The following SLC25A48 variants were observed in gnomAD, a reference collection of about 807,000 sequenced individuals.
SLC25A48 encodes the protein solute carrier family 25 member 48.
A neutral mutation model predicts 32.2 loss-of-function variants in SLC25A48; 29 were observed. That is an observed-to-expected ratio of 0.90 (90% CI 0.67 to 1.23). The LOEUF (loss-of-function observed/expected upper bound fraction) is 1.23. SLC25A48 is among the 50% of genes most tolerant of loss of function. SLC25A48 has a pLI of 0.00. For synonymous variants in SLC25A48, 164 were observed against 172.3 expected (o/e 0.95, Z 0.38); for missense variants, 399 against 422.7 (o/e 0.94, Z 0.49).
At chr5:135,673,931 C>T (rs1176775299) in intron 3 of SLC25A48, among the ~76,000 whole-genome samples, 1 of 151,202 alleles carries the variant, frequency 6.6e-6, no homozygotes, top group Non-Finnish European at 1.5e-5. Context: ...TTTTTCCCCC[C>T]CATGGTATTT....
At chr5:135,722,317 T>C (rs76895297) in intron 3 of SLC25A48, among the ~76,000 whole-genome samples, 1,614 of 152,308 alleles carry the variant, frequency 0.011, 24 homozygotes, top group African/African-American at 0.035. Context: ...TCGGAGGTTC[T>C]ATACTACCTG....
At chr5:135,870,868 T>C (rs181319174) in intron 4 of SLC25A48, among the ~76,000 whole-genome samples, 13 of 151,808 alleles carry the variant, frequency 8.6e-5, no homozygotes, top group Admixed American at 7.9e-4. Flanking sequence ...TATTTCCAAA[T>C]AATTTTAATA....
At chr5:135,775,605 C>T (rs555709848) in intron 3 of SLC25A48, among the ~76,000 whole-genome samples, 11 of 151,306 alleles carry the variant, frequency 7.3e-5, no homozygotes, top group Non-Finnish European at 8.9e-5. Flanking sequence ...ATCTTAATAA[C>T]GCAGGAGGTG....
intron 1 of SLC25A48, among the ~76,000 whole-genome samples, chr5:135,611,823 C>T (rs1752079583): frequency 1.3e-5 from 2 of 152,198 alleles, no homozygotes; most frequent in South Asian, 2.1e-4. Flanking sequence ...TAAGAATGTT[C>T]CCCCTTATTC....
intron 3 of SLC25A48, among the ~76,000 whole-genome samples, chr5:135,735,682 C>T (rs1484704224): frequency 6.6e-6 from 1 of 152,046 alleles, no homozygotes; most frequent in Non-Finnish European, 1.5e-5. Context: ...TTCATGGAGC[C>T]AGCGGTTGTC....
At chr5:135,698,983 C>T (rs1227577963) in intron 3 of SLC25A48, among the ~76,000 whole-genome samples, 1 of 152,082 alleles carries the variant, frequency 6.6e-6, no homozygotes, top group Non-Finnish European at 1.5e-5. Flanking sequence ...TCAAACCCAT[C>T]CTAAAATATT....
At chr5:135,700,390 A>G (rs1440458689) in intron 3 of SLC25A48, among the ~76,000 whole-genome samples, 33 of 151,118 alleles carry the variant, frequency 2.2e-4, no homozygotes, top group Non-Finnish European at 3.5e-4. Context: ...AAAAAAAAAA[A>G]AAAGAAAGAA....
chr5:135,762,893 AGTGT>A (rs1756097779), intron 3 of SLC25A48, among the ~76,000 whole-genome samples: 1 of 151,814 alleles, frequency 6.6e-6, no homozygotes, highest in Non-Finnish European at 1.5e-5. Context: ...AGCAAATGTG[AGTGT>A]GTGAATGTGT....
intron 3 of SLC25A48, among the ~76,000 whole-genome samples, chr5:135,755,307 G>A (rs1755869480): frequency 1.3e-5 from 2 of 152,066 alleles, no homozygotes; most frequent in Admixed American, 6.6e-5. Flanking sequence ...AAATATCGCT[G>A]TAATAGTTAT....
At chr5:135,778,258 A>G (rs12519714) in intron 3 of SLC25A48, among the ~76,000 whole-genome samples, 61,090 of 151,404 alleles carry the variant, frequency 0.4, 14,206 homozygotes, top group Non-Finnish European at 0.52. Context: ...GAGAAAAAGG[A>G]TGATATTGCT....
At chr5:135,664,142 C>A (rs1310379105) in intron 3 of SLC25A48, among the ~76,000 whole-genome samples, 1 of 152,214 alleles carries the variant, frequency 6.6e-6, no homozygotes, top group Non-Finnish European at 1.5e-5. Flanking sequence ...GAACCATGGA[C>A]ATGTGATTTT....
Position 135,888,113 on chromosome 5 carries a change from T to G in SLC25A48, c.*89T>G. ...CCTGAGAGCTGCAGATGTTTGGCCT[T>G]TGGACCTCCAAGTGGACATCAATTA... On this transcript the variant is annotated 3_prime_UTR_variant, in exon 8 of 8. Transcript: ENST00000681962. 1 of 1,550,174 alleles carries G rather than the reference T, an allele frequency of 6.5e-7. No homozygotes were observed.
chr5:135,884,373 A>C (rs73287289), intron 7 of SLC25A48, among the ~76,000 whole-genome samples: 16,232 of 152,034 alleles, frequency 0.11, 949 homozygotes, highest in African/African-American at 0.12. Flanking sequence ...CCTCCTCAAT[A>C]TTTCTCCTTC....
At chr5:135,846,420 C>T (rs557410969) in intron 2 of SLC25A48, among the ~76,000 whole-genome samples, 2 of 152,176 alleles carry the variant, frequency 1.3e-5, no homozygotes, top group Non-Finnish European at 2.9e-5. Context: ...GCTGCCCCCT[C>T]ACTACCCAGT....
intron 1 of SLC25A48, among the ~76,000 whole-genome samples, chr5:135,610,272 T>C (rs1752035954): frequency 6.6e-6 from 1 of 152,192 alleles, no homozygotes; most frequent in South Asian, 2.1e-4. Context: ...CTTGTACTTC[T>C]GCTTAAACTC....
intron 2 of SLC25A48, among the ~76,000 whole-genome samples, chr5:135,848,981 T>TTTG (rs959660653): frequency 6.6e-6 from 1 of 152,204 alleles, no homozygotes; most frequent in African/African-American, 2.4e-5. Flanking sequence ...GTGACATTAA[T>TTTG]TTGTTGTTGT....
intron 3 of SLC25A48, among the ~76,000 whole-genome samples, chr5:135,807,702 TATC>T (rs1291964815): frequency 6.6e-6 from 1 of 150,508 alleles, no homozygotes; most frequent in Non-Finnish European, 1.5e-5. Flanking sequence ...ATTTTATTAA[TATC>T]ATTGTGTGTT....
intron 3 of SLC25A48, among the ~76,000 whole-genome samples, chr5:135,768,120 G>A: frequency 6.9e-6 from 1 of 145,772 alleles, no homozygotes; most frequent in Non-Finnish European, 1.5e-5. Context: ...AGTGGTGAGA[G>A]AATGATATTA....
At chr5:135,750,768 A>G (rs73789134) in intron 3 of SLC25A48, among the ~76,000 whole-genome samples, 6,518 of 152,122 alleles carry the variant, frequency 0.043, 286 homozygotes, top group African/African-American at 0.11. Context: ...TTGGCTGTCT[A>G]ACTTTGCCCT....
Sources: allele counts gnomAD v4.1 joint callset (sites outside exome capture counted in the v4.1 genomes callset), GRCh38; gene constraint gnomAD v4.1.1; transcripts MANE v1.5; gene names NCBI Gene and HGNC (gene_info 2026-07-23, HGNC 2026-07-21).